CTNND2: variants seen among roughly 807,000 people sequenced by gnomAD.
The protein encoded by CTNND2 is catenin delta 2, also known as catenin delta-2.
A neutral mutation model predicts 144.4 loss-of-function variants in CTNND2; 22 were observed. The observed-to-expected ratio is 0.15, with a 90% CI of 0.11 to 0.22. The LOEUF is 0.22. Among genes scored for constraint, CTNND2 ranks in the 10% least tolerant of loss-of-function variants. The probability of loss-of-function intolerance (pLI) is 1.00; values close to 1 mark genes in which losing one functional copy is unlikely to be tolerated. For synonymous variants in CTNND2, 751 were observed against 695.6 expected (o/e 1.08, Z -1.25); for missense variants, 1,353 against 1,618.8 (o/e 0.84, Z 2.82).
chr5:11,357,122 T>A (rs1229609077), intron 8 of CTNND2, among the ~76,000 whole-genome samples: 1 of 152,112 alleles, frequency 6.6e-6, no homozygotes, highest in Admixed American at 6.6e-5. Flanking sequence ...ATATGTTGGT[T>A]CCTCAAAAAA....
At chr5:11,738,681 C>A (rs184290641) in intron 1 of CTNND2, among the ~76,000 whole-genome samples, 1 of 152,174 alleles carries the variant, frequency 6.6e-6, no homozygotes, top group Admixed American at 6.5e-5. Flanking sequence ...ACATGGTCAT[C>A]TTCAACAAAA....
chr5:11,127,042 G>T (rs1289771119), intron 12 of CTNND2, among the ~76,000 whole-genome samples: 1 of 152,248 alleles, frequency 6.6e-6, no homozygotes, highest in Non-Finnish European at 1.5e-5. Context: ...CATCCGTGCA[G>T]GGGTGGGGTC....
chr5:11,895,150 A>C (rs1315499052), intron 1 of CTNND2, among the ~76,000 whole-genome samples: 1 of 152,170 alleles, frequency 6.6e-6, no homozygotes, highest in Non-Finnish European at 1.5e-5. Context: ...GTCAAGTGCC[A>C]GAACCACACA....
In CTNND2 at chr5:11,051,916, C is replaced by T. The variant is rs1745873514; in HGVS notation, c.2789-28937G>A. 2.0e-5 allele frequency among the ~76,000 whole-genome samples: 3 copies of T among 152,124 alleles called. No individual in the cohort carries two copies. In the South Asian group the frequency reaches 6.2e-4, roughly 32 times the overall value. ...TGTTTATTGCTTCTTCACTACGTAA[C>T]GTTGTGCGTTTAATAAGCACTGTCT... On this transcript the variant is annotated intron_variant, in intron 16 of 21. Coordinates refer to ENST00000304623, the MANE Select transcript of CTNND2 (RefSeq NM_001332.4).
At chr5:11,798,431 G>A (rs1411003847) in intron 1 of CTNND2, among the ~76,000 whole-genome samples, 1 of 152,136 alleles carries the variant, frequency 6.6e-6, no homozygotes, top group African/African-American at 2.4e-5. Flanking sequence ...GCATGTGTGT[G>A]TATGAAGTGA....
chr5:11,254,442 T>G (rs1744004367), intron 9 of CTNND2, among the ~76,000 whole-genome samples: 1 of 152,008 alleles, frequency 6.6e-6, no homozygotes, highest in Non-Finnish European at 1.5e-5. Flanking sequence ...GCAAAGAACA[T>G]GGTTCCTACC....
chr5:11,733,795 C>T (rs1787528599), intron 1 of CTNND2, among the ~76,000 whole-genome samples: 1 of 152,212 alleles, frequency 6.6e-6, no homozygotes, highest in Admixed American at 6.5e-5. Flanking sequence ...AGACCCAATG[C>T]ATAAGTGGAT....
intron 18 of CTNND2, among the ~76,000 whole-genome samples, chr5:11,017,271 C>A (rs1444543721): frequency 1.3e-5 from 2 of 151,858 alleles, no homozygotes; most frequent in African/African-American, 4.8e-5. Flanking sequence ...TGACTTTTTT[C>A]TCTTAAGGGA....
chr5:11,099,138 A>G (rs1751637922), intron 14 of CTNND2, among the ~76,000 whole-genome samples: 1 of 152,254 alleles, frequency 6.6e-6, no homozygotes, highest in Non-Finnish European at 1.5e-5. Flanking sequence ...GCATACTACC[A>G]GTGTTGCATA....
At chr5:11,716,336 A>C (rs145192986) in intron 2 of CTNND2, among the ~76,000 whole-genome samples, 11 of 152,352 alleles carry the variant, frequency 7.2e-5, no homozygotes, top group African/African-American at 2.6e-4. Context: ...GATGTTAACA[A>C]AGGATAAATG....
chr5:11,803,503 G>A (rs11133671), intron 1 of CTNND2, among the ~76,000 whole-genome samples: 132,389 of 152,186 alleles, frequency 0.87, 59,567 homozygotes, highest in Non-Finnish European at 0.99. Context: ...ATAGGGCACT[G>A]AATGATATTT....
At chr5:11,140,574 C>T (rs1412143053) in intron 12 of CTNND2, among the ~76,000 whole-genome samples, 3 of 152,130 alleles carry the variant, frequency 2.0e-5, no homozygotes, top group Non-Finnish European at 4.4e-5. Context: ...ACATCTGTAT[C>T]TATATTTACC....
chr5:11,899,772 AT>A (rs1158678401), intron 1 of CTNND2, among the ~76,000 whole-genome samples: 1 of 152,136 alleles, frequency 6.6e-6, no homozygotes, highest in African/African-American at 2.4e-5. Context: ...TATTCTACCC[AT>A]TTTACAGCTG....
rs55702486 is a variant in CTNND2, at chr5:11,068,965, C to G, written c.2788+13731G>C. ...AATAAGAATCTGCTAGACGACAGAA[C>G]AGATCCGTTCTGGGGGTTATAGTAG... On this transcript the variant is annotated intron_variant, in intron 16 of 21. Transcript: ENST00000304623. 2.9e-3 allele frequency among the ~76,000 whole-genome samples: 436 copies of G among 152,322 alleles called. 1 individual carries two copies. The highest frequency in any genetic ancestry group is 0.01 in the Middle Eastern group (3 of 294).
chr5:11,221,991 T>C (rs1317574144), intron 10 of CTNND2, among the ~76,000 whole-genome samples: 1 of 152,208 alleles, frequency 6.6e-6, no homozygotes, highest in Non-Finnish European at 1.5e-5. Context: ...CAGGTCTTCT[T>C]CTCTAAACGA....
At chr5:11,407,553 G>C (rs1456327895) in intron 5 of CTNND2, among the ~76,000 whole-genome samples, 1 of 152,180 alleles carries the variant, frequency 6.6e-6, no homozygotes, top group Non-Finnish European at 1.5e-5. Flanking sequence ...ATAGCAAAAA[G>C]CTTTAAATAA....
chr5:11,785,890 C>G (rs1025326277), intron 1 of CTNND2, among the ~76,000 whole-genome samples: 8 of 152,204 alleles, frequency 5.3e-5, no homozygotes, highest in African/African-American at 1.9e-4. Flanking sequence ...TGGAGGGGAA[C>G]TGCCCTGCTG....
At chr5:11,838,127 C>T (rs962674683) in intron 1 of CTNND2, among the ~76,000 whole-genome samples, 3 of 152,070 alleles carry the variant, frequency 2.0e-5, no homozygotes. Flanking sequence ...TCTAACATTC[C>T]CTTCCTATAA....
intron 11 of CTNND2, among the ~76,000 whole-genome samples, chr5:11,163,422 C>A (rs777489672): frequency 2.0e-5 from 3 of 152,212 alleles, no homozygotes; most frequent in Non-Finnish European, 2.9e-5. Context: ...GCCAGGACCA[C>A]CCAAATCTGT....
Sources: allele counts gnomAD v4.1 joint callset (sites outside exome capture counted in the v4.1 genomes callset), GRCh38; gene constraint gnomAD v4.1.1; transcripts MANE v1.5; gene names NCBI Gene and HGNC (gene_info 2026-07-23, HGNC 2026-07-21).